Variants in ARMC3 observed in about 807,000 individuals in gnomAD.
ARMC3 encodes armadillo repeat containing 3.
A neutral mutation model predicts 90.3 loss-of-function variants in ARMC3; 74 were observed. The ratio of observed to expected loss-of-function variants is 0.82; its 90% CI spans 0.68 to 0.99. ARMC3 has a LOEUF of 0.99. ARMC3 is among the 50% of genes least tolerant of loss of function. ARMC3 has a pLI of 0.00. For synonymous variants in ARMC3, 334 were observed against 361.8 expected (o/e 0.92, Z 0.87); for missense variants, 958 against 1,042.8 (o/e 0.92, Z 1.12).
chr10:22,939,288 GA>G (rs1834229170), intron 2 of ARMC3, among the ~76,000 whole-genome samples: 1 of 152,196 alleles, frequency 6.6e-6, no homozygotes, highest in African/African-American at 2.4e-5. Context: ...AATAGCTCCA[GA>G]AATCCAGTTA....
At chr10:22,933,190 T>G (rs7911363) in intron 2 of ARMC3, among the ~76,000 whole-genome samples, 7,828 of 152,128 alleles carry the variant, frequency 0.051, 664 homozygotes, top group African/African-American at 0.18. Context: ...GGGTAGACAT[T>G]GTGATCTCAT....
chr10:22,996,469 G>A (rs1349717711), intron 10 of ARMC3, among the ~76,000 whole-genome samples: 4 of 152,114 alleles, frequency 2.6e-5, no homozygotes, highest in Admixed American at 6.5e-5. Flanking sequence ...TTTAAGGGAC[G>A]TCATCCTAGA....
chr10:22,974,288 A>G (rs1835821677), intron 8 of ARMC3, among the ~76,000 whole-genome samples: 1 of 152,216 alleles, frequency 6.6e-6, no homozygotes, highest in African/African-American at 2.4e-5. Context: ...GGTTAAGGGA[A>G]TAAGCAAGAG....
chr10:22,951,361 A>G (rs188120782), intron 3 of ARMC3, among the ~76,000 whole-genome samples: 64 of 152,382 alleles, frequency 4.2e-4, no homozygotes, highest in African/African-American at 1.4e-3. Flanking sequence ...AATAAATAAA[A>G]GAACAAGTGA....
chr10:23,025,320 A>G (rs1480349985), intron 16 of ARMC3, among the ~76,000 whole-genome samples: 4 of 152,182 alleles, frequency 2.6e-5, no homozygotes, highest in African/African-American at 7.2e-5. Flanking sequence ...TTAAAAGTGC[A>G]TGTGAAAATT....
chr10:22,933,117 A>G (rs1167556110), intron 2 of ARMC3, among the ~76,000 whole-genome samples: 1 of 152,146 alleles, frequency 6.6e-6, no homozygotes, highest in Non-Finnish European at 1.5e-5. Context: ...ATGATACTTC[A>G]ATACAGTTGG....
At chr10:22,949,207 A>G (rs181663823) in intron 3 of ARMC3, among the ~76,000 whole-genome samples, 1 of 152,342 alleles carries the variant, frequency 6.6e-6, no homozygotes, top group Non-Finnish European at 1.5e-5. Context: ...AGAATACAGA[A>G]ATATCCATTG....
chr10:22,955,783 GTT>G, intron 3 of ARMC3, 22 bp from the exon 4 acceptor site: 1 of 1,612,422 alleles, frequency 6.2e-7, no homozygotes, highest in Non-Finnish European at 8.5e-7. Flanking sequence ...TCCATGTGTG[GTT>G]TTGTTTTACG....
At position 23,008,333 on chromosome 10, in the gene ARMC3, T is replaced by G. The variant is rs1448165734; in HGVS notation, c.1887T>G (p.Ser629=). 4 of 1,552,220 alleles carry G rather than the reference T, an allele frequency of 2.6e-6. No individual in the cohort carries two copies. In the East Asian group the frequency reaches 6.8e-5, roughly 27 times the overall value. Residue 629 remains serine (S), a synonymous_variant, in exon 15 of 19, where the codon TCT becomes TCG. Transcript: ENST00000298032. Reference sequence around the variant, plus strand: ...ATGTTGGTTATGGACGAAGTATTTCTTCTTCATCTTCCTTAAGAAGATCAA... The same window carrying G: ...ATGTTGGTTATGGACGAAGTATTTCGTCTTCATCTTCCTTAAGAAGATCAA... ...KSDVGYGRSI[S]SSSSLRRSSK... is the part of the protein sequence containing the mutation.
At chr10:23,006,419 T>C (rs534713378) in intron 13 of ARMC3, among the ~76,000 whole-genome samples, 36 of 152,312 alleles carry the variant, frequency 2.4e-4, no homozygotes, top group African/African-American at 8.7e-4. Context: ...TATAACTTAA[T>C]TGGAAAAAGA....
At chr10:22,958,993 G>A in intron 4 of ARMC3, 77 bp from the exon 5 acceptor site, 1 of 1,200,858 alleles carries the variant, frequency 8.3e-7, no homozygotes, top group Non-Finnish European at 1.2e-6. Flanking sequence ...AAAGTGCTGG[G>A]ATTACAGGCA....
intron 3 of ARMC3, among the ~76,000 whole-genome samples, chr10:22,954,028 G>C (rs1834829992): frequency 6.6e-6 from 1 of 152,216 alleles, no homozygotes; most frequent in Non-Finnish European, 1.5e-5. Context: ...GCTGGCACTT[G>C]ATGCTGTCCA....
intron 2 of ARMC3, among the ~76,000 whole-genome samples, chr10:22,935,966 T>C (rs1588806259): frequency 6.6e-6 from 1 of 152,220 alleles, no homozygotes; most frequent in African/African-American, 2.4e-5. Flanking sequence ...GGACCACTGA[T>C]GTAGTAAACA....
At chr10:23,012,470 C>CCTGTGTGTCCAGTTGCCTGGTGGAGTATT (rs1838061609) in intron 16 of ARMC3, among the ~76,000 whole-genome samples, 1 of 152,098 alleles carries the variant, frequency 6.6e-6, no homozygotes, top group Non-Finnish European at 1.5e-5. Flanking sequence ...TGAGTCCAGA[C>CCTGTGTGTCCAGTTGCCTGGTGGAGTATT]CTGTGTGTCC....
intron 8 of ARMC3, among the ~76,000 whole-genome samples, chr10:22,979,701 T>C (rs549352795): frequency 5.9e-5 from 9 of 152,080 alleles, no homozygotes; most frequent in Non-Finnish European, 1.2e-4. Context: ...CAGTGAAAAA[T>C]AATAAGAACC....
In ARMC3 at chr10:22,998,516, A is replaced by G. The variant is rs1588896268; in HGVS notation, c.1425+119A>G. The G allele has an allele frequency of 3.2e-6, 4 of 1,259,660 alleles. No homozygotes were observed. The East Asian group carries it at 1.0e-4, about 32-fold the overall frequency. The allele number at this position is 1,259,660 out of a possible 1,614,324, so 78.0% of individuals were successfully genotyped here. Reference sequence around the variant, plus strand: ...GTCATTTAAGTCCTTCAAAACCGGTAAAACAGTGGAAAACGAATTGGCATT... The same window carrying G: ...GTCATTTAAGTCCTTCAAAACCGGTGAAACAGTGGAAAACGAATTGGCATT... On this transcript the variant is annotated intron_variant, in intron 11 of 18. Transcript: ENST00000298032.
At chr10:23,035,813 T>C (rs1051005333) in intron 18 of ARMC3, among the ~76,000 whole-genome samples, 38 of 152,234 alleles carry the variant, frequency 2.5e-4, no homozygotes, top group African/African-American at 8.4e-4. Flanking sequence ...TTTTCCTATT[T>C]CCTTCAGCTA....
chr10:23,003,226 C>CT lies in ARMC3; in HGVS notation c.1563-15dup. ...GATGGCTTGTATAAAGCAAATAATG[C>CT]TTTTTGCTTTTATTGACAGGGCTTT... On this transcript the variant is annotated intron_variant, in intron 12 of 18. Coordinates refer to ENST00000298032, the MANE Select transcript of ARMC3 (RefSeq NM_173081.5). The CT allele has an allele frequency of 1.9e-6, 3 of 1,601,884 alleles. No homozygotes were observed. Among genetic ancestry groups the CT allele is most frequent in the Non-Finnish European group, 2.6e-6 (3 of 1,174,106 alleles).
intron 7 of ARMC3, among the ~76,000 whole-genome samples, chr10:22,967,236 A>G (rs971841248): frequency 6.6e-5 from 10 of 152,142 alleles, no homozygotes; most frequent in African/African-American, 2.4e-4. Flanking sequence ...TGCTTTACTC[A>G]AAGTCTGTTT....
Sources: allele counts gnomAD v4.1 joint callset (sites outside exome capture counted in the v4.1 genomes callset), GRCh38; gene constraint gnomAD v4.1.1; transcripts MANE v1.5; gene names NCBI Gene and HGNC (gene_info 2026-07-23, HGNC 2026-07-21).